Variants in PTPRC observed in about 807,000 individuals in gnomAD.
PTPRC encodes protein tyrosine phosphatase receptor type C.
Under a neutral mutation model 155.9 loss-of-function variants are expected in PTPRC, and 44 were observed. The ratio of observed to expected loss-of-function variants is 0.28; its 90% CI spans 0.22 to 0.36. The LOEUF (loss-of-function observed/expected upper bound fraction) is 0.36, where lower values mean the gene tolerates loss of function less well. PTPRC is among the 10% of genes least tolerant of loss of function. The probability of loss-of-function intolerance (pLI) is 1.00; values close to 1 mark genes in which losing one functional copy is unlikely to be tolerated. For missense variants in PTPRC, 1,401 were observed against 1,564.6 expected (o/e 0.90, Z 1.76); for synonymous variants, 525 against 533.1 (o/e 0.98, Z 0.21).
Position 198,645,005 on chromosome 1 carries a change from CATTT to C in PTPRC, c.73+5670_73+5673del, listed in dbSNP as rs1662861546. On this transcript the variant is annotated intron_variant, in intron 2 of 32. Transcript: ENST00000442510. ...TATTGAAGTATAAATGATCATCATT[CATTT>C]ATTTAAGAATATAATCAAAATTTGC... Among the ~76,000 whole-genome samples the C allele has an allele frequency of 6.6e-5, 10 of 151,784 alleles. No individual in the cohort carries two copies. The South Asian group carries it at 2.1e-3, about 31-fold the overall frequency.
intron 23 of PTPRC, among the ~76,000 whole-genome samples, chr1:198,737,445 G>A (rs1034218508): frequency 4.0e-5 from 6 of 151,534 alleles, no homozygotes; most frequent in Admixed American, 6.6e-5. Context: ...CTATTGTGGA[G>A]ACTGTCCTTT....
At chr1:198,718,536 T>C (rs995387889) in intron 14 of PTPRC, among the ~76,000 whole-genome samples, 5 of 152,212 alleles carry the variant, frequency 3.3e-5, no homozygotes, top group Non-Finnish European at 7.3e-5. Context: ...CAATATGACT[T>C]AATTATAGCT....
Position 198,756,113 on chromosome 1 carries a change from A to G in PTPRC, c.3853A>G (p.Ser1285Gly), listed in dbSNP as rs2298872. ...ACAGGCTGAAGGTTCTGAACCCACG[A>G]GTGGCACTGAGGGGCCAGAACATTC... is the stretch of plus-strand genomic sequence containing the variant. ...KEQAEGSEPTSGTEGPEHSVN... is the reference protein window; with the variant it reads ...KEQAEGSEPTGGTEGPEHSVN... The change falls in exon 33 of 33, where the codon AGT becomes GGT. Residue 1285 changes from serine (S) to glycine (G), a missense_variant. Ser to Gly is a moderately conservative substitution (Grantham distance 56, BLOSUM62 0). Coordinates refer to ENST00000442510, the MANE Select transcript of PTPRC (RefSeq NM_002838.5). 6.2e-7 allele frequency: 1 copy of G among 1,613,402 alleles called. No individual in the cohort carries two copies. The highest frequency in any genetic ancestry group is 1.7e-5 in the Admixed American group (1 of 59,882).
intron 20 of PTPRC, 23 bp from the exon 21 acceptor site, chr1:198,734,173 A>T (rs1371693558): frequency 1.2e-6 from 2 of 1,605,556 alleles, no homozygotes; most frequent in Non-Finnish European, 1.7e-6. Flanking sequence ...CAAATGACAT[A>T]TCTCTGCATG....
At chr1:198,694,766 C>G (rs1052875919) in intron 3 of PTPRC, 1 of 947,606 alleles carries the variant, frequency 1.1e-6, no homozygotes, top group African/African-American at 1.8e-5. Flanking sequence ...TTCTCCCACC[C>G]CCTTTTCTTT....
chr1:198,726,383 G>A (rs1214840854), intron 15 of PTPRC, among the ~76,000 whole-genome samples: 1 of 152,116 alleles, frequency 6.6e-6, no homozygotes, highest in Non-Finnish European at 1.5e-5. Flanking sequence ...CCCTAAAAAT[G>A]TTCACTGCAA....
At chr1:198,726,949 G>C (rs1222062350) in intron 15 of PTPRC, among the ~76,000 whole-genome samples, 1 of 147,176 alleles carries the variant, frequency 6.8e-6, no homozygotes, top group East Asian at 2.0e-4. Context: ...TGCAACCTCT[G>C]CCTCCTCGGT....
intron 12 of PTPRC, among the ~76,000 whole-genome samples, chr1:198,715,745 T>C (rs1278781353): frequency 1.3e-5 from 2 of 152,190 alleles, no homozygotes; most frequent in Admixed American, 6.5e-5. Flanking sequence ...GCAGTGATGG[T>C]TAAATTAATT....
chr1:198,734,276 T>C (rs1654522599), intron 21 of PTPRC, 44 bp downstream of exon 21: 1 of 1,609,634 alleles, frequency 6.2e-7, no homozygotes, highest in African/African-American at 1.3e-5. Flanking sequence ...AAAATTTTTA[T>C]AGCACTTTTA....
chr1:198,736,543 A>G (rs1654646605), intron 23 of PTPRC, among the ~76,000 whole-genome samples: 1 of 151,702 alleles, frequency 6.6e-6, no homozygotes, highest in Admixed American at 6.6e-5. Flanking sequence ...GCTGAATAAT[A>G]CTTCATTGTA....
At chr1:198,684,553 A>C (rs1665514117) in intron 2 of PTPRC, among the ~76,000 whole-genome samples, 1 of 151,984 alleles carries the variant, frequency 6.6e-6, no homozygotes, top group Non-Finnish European at 1.5e-5. Flanking sequence ...TTGAAAGTTT[A>C]AATAGTACCA....
rs118021018 is a variant in PTPRC at position 198,669,589 on chromosome 1, G to A, written c.74-22758G>A. Among the ~76,000 whole-genome samples, 117 of 151,750 alleles carry A rather than the reference G, an allele frequency of 7.7e-4. 3 individuals are homozygous for A. The East Asian group carries it at 0.022, about 29-fold the overall frequency. On this transcript the variant is annotated intron_variant, in intron 2 of 32. Coordinates refer to ENST00000442510, the MANE Select transcript of PTPRC (RefSeq NM_002838.5). Reference sequence around the variant, plus strand: ...TAATATCCCACTGCTGAATCCCACCGACATGGAATCCACGGCATGGTGAAT... The same window carrying A: ...TAATATCCCACTGCTGAATCCCACCAACATGGAATCCACGGCATGGTGAAT...
chr1:198,648,908 G>T (rs1004790268), intron 2 of PTPRC, among the ~76,000 whole-genome samples: 6 of 151,680 alleles, frequency 4.0e-5, no homozygotes, highest in Admixed American at 2.6e-4. Flanking sequence ...ATTCACCAAA[G>T]TATCTAGATT....
chr1:198,698,818 A>G lies in PTPRC; in HGVS notation c.299-746A>G, dbSNP rs540817500. Among the ~76,000 whole-genome samples, 4 of 152,218 alleles carry G rather than the reference A, an allele frequency of 2.6e-5. No individual in the cohort carries two copies. In the East Asian group the frequency reaches 7.7e-4, roughly 29 times the overall value. On this transcript the variant is annotated intron_variant, in intron 4 of 32. Transcript: ENST00000442510. ...TATAGGATTAAAGTATATAAAATGT[A>G]TACTTTATATGTACTTAAAAGACAC...
chr1:198,689,377 G>T (rs1303054929), intron 2 of PTPRC, among the ~76,000 whole-genome samples: 1 of 152,034 alleles, frequency 6.6e-6, no homozygotes, highest in African/African-American at 2.4e-5. Context: ...TCATTTCTGT[G>T]GTAAACAGAT....
rs1480969872 is a variant in PTPRC at position 198,665,085 on chromosome 1, T to TC, written c.73+25744_73+25745insC. Among the ~76,000 whole-genome samples, 214 of 119,176 alleles carry TC rather than the reference T, an allele frequency of 1.8e-3. 4 individuals are homozygous for TC. Among genetic ancestry groups the TC allele is most frequent in the East Asian group, 8.9e-3 (37 of 4,168 alleles). The allele number at this position is 119,176 out of a possible 152,430, so 78.2% of individuals were successfully genotyped here. On this transcript the variant is annotated intron_variant, in intron 2 of 32. Coordinates refer to ENST00000442510, the MANE Select transcript of PTPRC (RefSeq NM_002838.5). ...TTTTAGAACATCCCGGCAGCATTTTTTTTTTTTTTTTTTTTTTTTTTTGAG... is the reference window on the plus strand; with the variant it reads ...TTTTAGAACATCCCGGCAGCATTTTTCTTTTTTTTTTTTTTTTTTTTTTGAG...
At chr1:198,744,030 C>G in intron 25 of PTPRC, 24 bp from the exon 26 acceptor site, 1 of 1,574,210 alleles carries the variant, frequency 6.4e-7, no homozygotes, top group South Asian at 1.1e-5. Flanking sequence ...AGTTAACTAT[C>G]TGTATTTGTT....
At position 198,748,218 on chromosome 1, in the gene PTPRC, T is replaced by A. The variant is rs2102534449; in HGVS notation, c.2938+19T>A. ...ATCCCATGTATGTAGTTTATTTTTT[T>A]ATTTTTTGTATCAGATAAAGTTAAG... is the stretch of plus-strand genomic sequence containing the variant. On this transcript the variant is annotated intron_variant, in intron 27 of 32. Transcript: ENST00000442510. 3 of 1,590,438 alleles carry A rather than the reference T, an allele frequency of 1.9e-6. No individual in the cohort carries two copies. The highest frequency in any genetic ancestry group is 4.5e-5 in the East Asian group (2 of 44,006).
At chr1:198,714,854 T>C (rs1156696632) in intron 12 of PTPRC, among the ~76,000 whole-genome samples, 2 of 152,244 alleles carry the variant, frequency 1.3e-5, no homozygotes, top group African/African-American at 2.4e-5. Context: ...TAAATTTCAC[T>C]TCATTACTTC....
Sources: gnomAD v4.1 joint callset for allele counts (sites outside exome capture counted in the v4.1 genomes callset) on GRCh38, gnomAD v4.1.1 for gene constraint, MANE v1.5 for transcripts, NCBI Gene and HGNC (gene_info 2026-07-23, HGNC 2026-07-21) for gene names.